Variants in KIF13A observed in about 807,000 individuals in gnomAD.
KIF13A encodes kinesin family member 13A, also known as kinesin-like protein KIF13A.
A neutral mutation model predicts 212.2 loss-of-function variants in KIF13A; 79 were observed. That is an observed-to-expected ratio of 0.37 (90% confidence interval 0.31 to 0.45). KIF13A has a LOEUF of 0.45. Among genes scored for constraint, KIF13A ranks in the 20% least tolerant of loss-of-function variants. The pLI is 1.00. For missense variants in KIF13A, 1,901 were observed against 2,209.0 expected (o/e 0.86, Z 2.79); for synonymous variants, 789 against 808.6 (o/e 0.98, Z 0.41).
At chr6:17,848,091 C>T (rs981839785) in intron 9 of KIF13A, among the ~76,000 whole-genome samples, 3 of 152,120 alleles carry the variant, frequency 2.0e-5, no homozygotes, top group Admixed American at 6.6e-5. Flanking sequence ...GGATTACAGG[C>T]GTGAGCCACC....
Position 17,850,309 on chromosome 6 carries a change from G to T in KIF13A, c.717+14C>A. Reference sequence around the variant, plus strand: ...TCCACCCCCACTCCAAAAAGGTTCTGCCTAATCCCTTACCCCAGACTGCAG... The same window carrying T: ...TCCACCCCCACTCCAAAAAGGTTCTTCCTAATCCCTTACCCCAGACTGCAG... On this transcript the variant is annotated intron_variant, in intron 8 of 38. Transcript: ENST00000259711. The surrounding 1 kb of genome is among the most constrained non-coding windows in gnomAD (Gnocchi z 6.2). The T allele has an allele frequency of 6.2e-7, 1 of 1,608,038 alleles. No individual in the cohort carries two copies. Among genetic ancestry groups the T allele is most frequent in the Non-Finnish European group, 8.5e-7 (1 of 1,176,366 alleles).
chr6:17,881,854 G>A (rs1490774654), intron 3 of KIF13A: 1 of 364,104 alleles, frequency 2.7e-6, no homozygotes, highest in African/African-American at 2.1e-5. Context: ...AAATTAGCTG[G>A]GTATGGTGGC....
intron 2 of KIF13A, among the ~76,000 whole-genome samples, chr6:17,910,573 T>A (rs914575296): frequency 4.6e-5 from 7 of 152,188 alleles, no homozygotes; most frequent in East Asian, 3.8e-4. Flanking sequence ...CAATTTTTTT[T>A]AAAATTAACT....
At position 17,963,214 on chromosome 6, in the gene KIF13A, T is replaced by TC. The variant is rs1216394179; in HGVS notation, c.146+23839dup. On this transcript the variant is annotated intron_variant, in intron 2 of 38. Transcript: ENST00000259711. This position sits in a 1 kb window ranked among gnomAD's most constrained non-coding sequence, Gnocchi z 4.1. ...GGGCGGATCACCTGAGGTGGGGAGT[T>TC]CAAGACCAGCCTGGCCAACATGGCG... Among the ~76,000 whole-genome samples, 4 of 152,042 alleles carry TC rather than the reference T, an allele frequency of 2.6e-5. No individual in the cohort carries two copies. The highest frequency in any genetic ancestry group is 9.7e-5 in the African/African-American group (4 of 41,394).
chr6:17,760,931 AC>A, downstream of KIF13A: 1 of 1,575,484 alleles, frequency 6.3e-7, no homozygotes. Context: ...TCCCCACCCC[AC>A]CCACAGCACC....
chr6:17,783,841 T>C lies in KIF13A; in HGVS notation c.3489-140A>G. 1.5e-6 allele frequency: 1 copy of C among 659,698 alleles called. No individual in the cohort carries two copies. 40.9% of individuals were successfully genotyped at this position (659,698 alleles called of 1,614,324 possible). ...CACTAATGAAATACTTTCATATTTCTTGACTTCCCTGTAGACATAAATCAT... is the reference window on the plus strand; with the variant it reads ...CACTAATGAAATACTTTCATATTTCCTGACTTCCCTGTAGACATAAATCAT... On this transcript the variant is annotated intron_variant, in intron 28 of 38. Coordinates refer to ENST00000259711, the MANE Select transcript of KIF13A (RefSeq NM_022113.6). The surrounding 1 kb of genome is among the most constrained non-coding windows in gnomAD (Gnocchi z 4.3).
chr6:17,869,019 A>AACAC (rs1554187444), intron 4 of KIF13A, among the ~76,000 whole-genome samples: 315 of 126,344 alleles, frequency 2.5e-3, no homozygotes, highest in Non-Finnish European at 3.1e-3. Context: ...AAAAAAAAAA[A>AACAC]ACACAAATAA....
chr6:17,858,333 C>T (rs969731069), intron 4 of KIF13A, among the ~76,000 whole-genome samples: 2 of 152,092 alleles, frequency 1.3e-5, no homozygotes, highest in Admixed American at 1.3e-4. Flanking sequence ...TTTCTAAACA[C>T]CCAGGTCTGT....
At chr6:17,891,754 C>A (rs553340162) in intron 3 of KIF13A, among the ~76,000 whole-genome samples, 1 of 152,156 alleles carries the variant, frequency 6.6e-6, no homozygotes, top group South Asian at 2.1e-4. Context: ...CTCGGTGAGA[C>A]CCTGTCTCTT....
At chr6:17,842,244 T>C (rs1411091519) in intron 9 of KIF13A, among the ~76,000 whole-genome samples, 1 of 151,622 alleles carries the variant, frequency 6.6e-6, no homozygotes, top group African/African-American at 2.4e-5. Flanking sequence ...AGAGATGGGG[T>C]CTGGCTATGT....
chr6:17,816,761 T>C lies in KIF13A; in HGVS notation c.2000+259A>G, dbSNP rs1365046023. Among the ~76,000 whole-genome samples the C allele has an allele frequency of 6.6e-6, 1 of 152,260 alleles. No individual in the cohort carries two copies. The highest frequency in any genetic ancestry group is 1.5e-5 in the Non-Finnish European group (1 of 68,040). Reference sequence around the variant, plus strand: ...TTCTAAATTTCAATACATACCTGTCTAACCCTTGCAACTTGGCACCATTTT... The same window carrying C: ...TTCTAAATTTCAATACATACCTGTCCAACCCTTGCAACTTGGCACCATTTT... On this transcript the variant is annotated intron_variant, in intron 17 of 38. Coordinates refer to ENST00000259711, the MANE Select transcript of KIF13A (RefSeq NM_022113.6). The surrounding 1 kb of genome is among the most constrained non-coding windows in gnomAD (Gnocchi z 4.3).
At chr6:17,936,390 A>G in intron 2 of KIF13A, 1 of 196,566 alleles carries the variant, frequency 5.1e-6, no homozygotes. Flanking sequence ...GGCCTCCCAA[A>G]GTGCTGGGAT....
rs1767436528 is a variant in KIF13A, at chr6:17,849,645, C to G, written c.718-156G>C. 6.6e-6 allele frequency among the ~76,000 whole-genome samples: 1 copy of G among 152,170 alleles called. No homozygotes were observed. Among genetic ancestry groups the G allele is most frequent in the African/African-American group, 2.4e-5 (1 of 41,442 alleles). ...CGGTCAGAAGAGTTATTTGAACCAG[C>G]AATTAATTTCATAGTTAACATTTAA... is the stretch of plus-strand genomic sequence containing the variant. On this transcript the variant is annotated intron_variant, in intron 8 of 38. Coordinates refer to ENST00000259711, the MANE Select transcript of KIF13A (RefSeq NM_022113.6). The surrounding 1 kb of genome is among the most constrained non-coding windows in gnomAD (Gnocchi z 5.7).
At chr6:17,949,479 G>A (rs1777683807) in intron 2 of KIF13A, among the ~76,000 whole-genome samples, 1 of 151,686 alleles carries the variant, frequency 6.6e-6, no homozygotes, top group Admixed American at 6.6e-5. Flanking sequence ...ACTGTCTGGA[G>A]ACCTTAACTG....
chr6:17,833,855 C>CAAAAAA (rs11358140), intron 12 of KIF13A, 106 bp downstream of exon 12: 7,091 of 361,598 alleles, frequency 0.02, 47 homozygotes, highest in South Asian at 0.045. Context: ...GACTCCGTCT[C>CAAAAAA]AAAAAAAAAA....
chr6:17,853,905 T>C (rs1767901396), intron 6 of KIF13A, among the ~76,000 whole-genome samples: 1 of 152,028 alleles, frequency 6.6e-6, no homozygotes, highest in Non-Finnish European at 1.5e-5. Flanking sequence ...CATTTATTTA[T>C]TTATTTATTT....
intron 2 of KIF13A, among the ~76,000 whole-genome samples, chr6:17,931,577 G>T (rs1426692897): frequency 6.6e-6 from 1 of 152,178 alleles, no homozygotes; most frequent in East Asian, 1.9e-4. Context: ...TTAGAAATAG[G>T]ATCCTGCTAT....
At chr6:17,966,413 T>C (rs1379741103) in intron 2 of KIF13A, among the ~76,000 whole-genome samples, 1 of 150,828 alleles carries the variant, frequency 6.6e-6, no homozygotes, top group Non-Finnish European at 1.5e-5. Context: ...GGACTTAATA[T>C]CTTGAAACAG....
At chr6:17,879,480 G>A (rs1770869543) in intron 3 of KIF13A, among the ~76,000 whole-genome samples, 1 of 152,160 alleles carries the variant, frequency 6.6e-6, no homozygotes, top group Non-Finnish European at 1.5e-5. Context: ...TCACATGCAT[G>A]GTTTGGGGGA....
Sources: gnomAD v4.1 joint callset for allele counts (sites outside exome capture counted in the v4.1 genomes callset) on GRCh38, gnomAD v4.1.1 for gene constraint, Gnocchi (gnomAD v3.1) non-coding constraint, MANE v1.5 for transcripts, NCBI Gene and HGNC (gene_info 2026-07-23, HGNC 2026-07-21) for gene names.